The following CAP2 variants were observed in gnomAD, a reference collection of about 807,000 sequenced individuals.
CAP2 encodes cyclase associated actin cytoskeleton regulatory protein 2, also known as adenylyl cyclase-associated protein 2.
In CAP2, 24 loss-of-function variants were observed where a neutral mutation model predicts 57.7. The observed-to-expected ratio is 0.42, with a 90% CI of 0.30 to 0.58. The LOEUF (loss-of-function observed/expected upper bound fraction) is 0.58, where lower values mean the gene tolerates loss of function less well. CAP2 is among the 20% of genes least tolerant of loss of function. The pLI, the probability that CAP2 is intolerant of heterozygous loss-of-function variation, is 0.22. For missense variants in CAP2, 501 were observed against 590.3 expected (o/e 0.85, Z 1.57); for synonymous variants, 194 against 207.2 (o/e 0.94, Z 0.55).
At chr6:17,552,239 T>G (rs1763186581) in intron 12 of CAP2, among the ~76,000 whole-genome samples, 1 of 152,180 alleles carries the variant, frequency 6.6e-6, no homozygotes, top group African/African-American at 2.4e-5. Flanking sequence ...AAGCACTTTC[T>G]CAAAGAACCA....
rs1481842924 is a variant in CAP2, at chr6:17,461,399, G to A, written c.223-1597G>A. ...GCACCACCATGCATGGGTAATTTTT[G>A]TGTTTTTAGTAGAGACAGGGTTTCA... On this transcript the variant is annotated intron_variant, in intron 3 of 12. Transcript: ENST00000229922. Among the ~76,000 whole-genome samples the A allele has an allele frequency of 4.6e-5, 7 of 151,912 alleles. No individual in the cohort carries two copies. In the East Asian group the frequency reaches 1.2e-3, roughly 26 times the overall value.
chr6:17,499,588 G>A (rs1482684114), intron 4 of CAP2, among the ~76,000 whole-genome samples: 4 of 151,918 alleles, frequency 2.6e-5, no homozygotes, highest in Admixed American at 1.3e-4. Flanking sequence ...GGTGGCTCAC[G>A]CCTGTAATCC....
intron 3 of CAP2, among the ~76,000 whole-genome samples, chr6:17,435,681 T>TAAAAAAAAAAA (rs71002211): frequency 1.0e-4 from 7 of 67,420 alleles, no homozygotes; most frequent in Admixed American, 2.3e-4. Context: ...TAGAGTATAA[T>TAAAAAAAAAAA]AAAAAAAAAA....
intron 6 of CAP2, among the ~76,000 whole-genome samples, chr6:17,511,251 T>C (rs1172189016): frequency 6.6e-6 from 1 of 151,940 alleles, no homozygotes; most frequent in Non-Finnish European, 1.5e-5. Context: ...GCAACACCCA[T>C]TTACCGGTGG....
chr6:17,453,901 CTTT>C (rs11339880), intron 3 of CAP2, among the ~76,000 whole-genome samples: 16 of 114,958 alleles, frequency 1.4e-4, no homozygotes, highest in Admixed American at 2.7e-4. Context: ...TCTTTTTATT[CTTT>C]TTTTTTTTTT....
intron 4 of CAP2, among the ~76,000 whole-genome samples, chr6:17,484,050 G>T (rs1761361045): frequency 6.6e-6 from 1 of 152,004 alleles, no homozygotes; most frequent in South Asian, 2.1e-4. Flanking sequence ...TCCTTGGTCT[G>T]CCAGCCTGAG....
chr6:17,530,683 G>A (rs772099662), intron 7 of CAP2, among the ~76,000 whole-genome samples: 6 of 152,092 alleles, frequency 3.9e-5, no homozygotes, highest in Non-Finnish European at 5.9e-5. Context: ...GTAAAGACAG[G>A]TGGCTCACAA....
intron 7 of CAP2, among the ~76,000 whole-genome samples, chr6:17,527,500 T>A (rs1290956495): frequency 6.6e-6 from 1 of 152,196 alleles, no homozygotes; most frequent in African/African-American, 2.4e-5. Flanking sequence ...AAACTAATAA[T>A]TATGGCCACA....
intron 8 of CAP2, 128 bp downstream of exon 8, chr6:17,539,586 G>C: frequency 1.4e-6 from 1 of 713,806 alleles, no homozygotes. Flanking sequence ...GGGAGAGGGG[G>C]AACTGGTGCT....
chr6:17,489,426 T>A (rs993586485), intron 4 of CAP2, among the ~76,000 whole-genome samples: 1 of 152,166 alleles, frequency 6.6e-6, no homozygotes, highest in Non-Finnish European at 1.5e-5. Flanking sequence ...AGCAAGACTC[T>A]GTCTCAGAAA....
At chr6:17,528,666 AT>A (rs1319759049) in intron 7 of CAP2, among the ~76,000 whole-genome samples, 1 of 152,070 alleles carries the variant, frequency 6.6e-6, no homozygotes, top group Non-Finnish European at 1.5e-5. Flanking sequence ...AAGAAAACGG[AT>A]CCAAATGGGC....
At chr6:17,514,177 A>G (rs1762219291) in intron 7 of CAP2, among the ~76,000 whole-genome samples, 1 of 151,886 alleles carries the variant, frequency 6.6e-6, no homozygotes, top group Non-Finnish European at 1.5e-5. Flanking sequence ...AGCCTGGCAA[A>G]CATGACAAAA....
At chr6:17,461,923 G>A (rs1320035465) in intron 3 of CAP2, among the ~76,000 whole-genome samples, 2 of 143,212 alleles carry the variant, frequency 1.4e-5, no homozygotes, top group Non-Finnish European at 3.0e-5. Flanking sequence ...AACCTGGGGG[G>A]CGGAGCTTGC....
At chr6:17,543,369 G>A (rs961173947) in intron 11 of CAP2, among the ~76,000 whole-genome samples, 2 of 152,006 alleles carry the variant, frequency 1.3e-5, no homozygotes, top group African/African-American at 2.4e-5. Flanking sequence ...CGTAACCCTA[G>A]CACTTTGGGA....
Position 17,404,433 on chromosome 6 carries a change from G to A in CAP2, c.-2+10687G>A, listed in dbSNP as rs529034003. On this transcript the variant is annotated intron_variant, in intron 1 of 12. Transcript: ENST00000229922. ...ATCCTGGCTAACACGGTGAAACCCC[G>A]TCTCTACTGAAAATACAAAAAAATA... is the stretch of plus-strand genomic sequence containing the variant. 6.6e-5 allele frequency among the ~76,000 whole-genome samples: 10 copies of A among 152,206 alleles called. No homozygotes were observed. The East Asian group carries it at 9.7e-4, about 15-fold the overall frequency.
intron 4 of CAP2, among the ~76,000 whole-genome samples, chr6:17,482,865 A>G (rs1384725048): frequency 6.6e-6 from 1 of 152,190 alleles, no homozygotes; most frequent in African/African-American, 2.4e-5. Context: ...GGACATCATC[A>G]TATGAATTAG....
chr6:17,490,616 CTTT>C (rs1370228742), intron 4 of CAP2, among the ~76,000 whole-genome samples: 4 of 152,208 alleles, frequency 2.6e-5, no homozygotes, highest in Non-Finnish European at 4.4e-5. Flanking sequence ...AACAGCACGC[CTTT>C]GCGGGCAGAG....
chr6:17,528,608 C>G (rs575215762), intron 7 of CAP2, among the ~76,000 whole-genome samples: 1 of 151,974 alleles, frequency 6.6e-6, no homozygotes, highest in Non-Finnish European at 1.5e-5. Context: ...TTGACCTTTC[C>G]CCTGGTCTTT....
chr6:17,457,293 A>T (rs531972736), intron 3 of CAP2, among the ~76,000 whole-genome samples: 1 of 152,252 alleles, frequency 6.6e-6, no homozygotes, highest in South Asian at 2.1e-4. Flanking sequence ...CCCCTCGATT[A>T]TTTGTCGTTA....
Sources: allele counts gnomAD v4.1 joint callset (sites outside exome capture counted in the v4.1 genomes callset), GRCh38; gene constraint gnomAD v4.1.1; transcripts MANE v1.5; gene names NCBI Gene and HGNC (gene_info 2026-07-23, HGNC 2026-07-21).